Variants in FGF9 observed in about 807,000 individuals in gnomAD.
FGF9 encodes fibroblast growth factor 9 (glia-activating factor).
In FGF9, 3 loss-of-function variants were observed where a neutral mutation model predicts 19.9. That is an observed-to-expected ratio of 0.15 (90% CI 0.07 to 0.39). The LOEUF (loss-of-function observed/expected upper bound fraction) is 0.39, where lower values mean the gene tolerates loss of function less well. Ranked by LOEUF, FGF9 falls within the 10% of genes least tolerant of loss-of-function variation. The pLI is 1.00. For synonymous variants in FGF9, 107 were observed against 106.9 expected (o/e 1.00, Z -0.01); for missense variants, 175 against 256.8 (o/e 0.68, Z 2.18).
At chr13:21,681,365 C>G (rs982045944) in intron 2 of FGF9, 3 of 427,108 alleles carry the variant, frequency 7.0e-6, no homozygotes, top group Non-Finnish European at 1.3e-5. Context: ...TATTTATATG[C>G]CAAACCATCT....
At position 21,701,177 on chromosome 13, in the gene FGF9, T is replaced by C. The variant is rs1383220708; in HGVS notation, c.382-13T>C. On this transcript the variant is annotated splice_polypyrimidine_tract_variant and intron_variant, in intron 2 of 2. Transcript: ENST00000382353. ...TATTTTTCCTAATGCTCTCCCTCTT[T>C]TTCTTTTTACAGGAAAAACTAACCC... 2 of 1,612,068 alleles carry C rather than the reference T, an allele frequency of 1.2e-6. No homozygotes were observed. Among genetic ancestry groups the C allele is most frequent in the Admixed American group, 1.7e-5 (1 of 59,940 alleles).
rs1872597042 is a variant in FGF9, at chr13:21,703,807, T to G, written c.*2372T>G. 6.6e-6 allele frequency: 1 copy of G among 151,964 alleles called. No individual in the cohort carries two copies. Among genetic ancestry groups the G allele is most frequent in the East Asian group, 1.9e-4 (1 of 5,196 alleles). The allele number at this position is 151,964 out of a possible 1,614,324, so 9.4% of individuals were successfully genotyped here. A position where few individuals can be genotyped will look rare whatever the true frequency, so the allele number is the denominator to read the frequency against. ...AATCGACCTAAAAGAAAGAAAATTGTGAAAAAGACAAAAATCTTCATGCAT... is the reference window on the plus strand; with the variant it reads ...AATCGACCTAAAAGAAAGAAAATTGGGAAAAAGACAAAAATCTTCATGCAT... On this transcript the variant is annotated 3_prime_UTR_variant, in exon 3 of 3. Coordinates refer to ENST00000382353, the MANE Select transcript of FGF9 (RefSeq NM_002010.3).
rs987699434 is a variant in FGF9 at position 21,691,695 on chromosome 13, T to C, written c.382-9495T>C. ...GGGAACCACTGTCCTGGGCCAGCTT[T>C]GGCAGTGGCCTGGTCGCCTCACCCC... On this transcript the variant is annotated intron_variant, in intron 2 of 2. Transcript: ENST00000382353. The surrounding 1 kb of genome is among the most constrained non-coding windows in gnomAD (Gnocchi z 4.2). Among the ~76,000 whole-genome samples the C allele has an allele frequency of 1.3e-4, 20 of 152,240 alleles. No individual in the cohort carries two copies. Among genetic ancestry groups the C allele is most frequent in the African/African-American group, 4.1e-4 (17 of 41,464 alleles).
chr13:21,701,702 T>A lies in FGF9; in HGVS notation c.*267T>A, dbSNP rs1872547844. On this transcript the variant is annotated 3_prime_UTR_variant, in exon 3 of 3. Transcript: ENST00000382353. ...AGAGAGAGAGACTGAGCGCTAGGAG[T>A]GTGTGTATGTGTGTGTGTGTGTGTG... 1 of 447,096 alleles carries A rather than the reference T, an allele frequency of 2.2e-6. No homozygotes were observed. The allele number at this position is 447,096 out of a possible 1,614,324, so 27.7% of individuals were successfully genotyped here.
At chr13:21,694,523 A>G (rs1268212945) in intron 2 of FGF9, among the ~76,000 whole-genome samples, 1 of 152,190 alleles carries the variant, frequency 6.6e-6, no homozygotes, top group Non-Finnish European at 1.5e-5. Context: ...TTGTCTGCCA[A>G]TCTGATCCTT....
In FGF9 at chr13:21,702,993, C is replaced by CTT. The variant is rs1421260960; in HGVS notation, c.*1558_*1559insTT. Reference sequence around the variant, plus strand: ...TTTTATGCTGAAAAGCATAAGAATACGTATTTCTTTAGTAGCAATAATTTT... The same window carrying CTT: ...TTTTATGCTGAAAAGCATAAGAATACTTGTATTTCTTTAGTAGCAATAATTTT... On this transcript the variant is annotated 3_prime_UTR_variant, in exon 3 of 3. Transcript: ENST00000382353. 1 of 152,142 alleles carries CTT rather than the reference C, an allele frequency of 6.6e-6. No individual in the cohort carries two copies. The highest frequency in any genetic ancestry group is 1.5e-5 in the Non-Finnish European group (1 of 68,018). 9.4% of individuals were successfully genotyped at this position (152,142 alleles called of 1,614,324 possible).
rs776603416 is a variant in FGF9 at position 21,672,752 on chromosome 13, T to A, written c.277+563T>A. Among the ~76,000 whole-genome samples, 13 of 152,236 alleles carry A rather than the reference T, an allele frequency of 8.5e-5. No individual in the cohort carries two copies. The highest frequency in any genetic ancestry group is 1.6e-4 in the Non-Finnish European group (11 of 68,046). Reference sequence around the variant, plus strand: ...TGTCCTGTTGGGAGGACTAAAGTCATATTTTAGGCTCCGTGAAAAGCAGGG... The same window carrying A: ...TGTCCTGTTGGGAGGACTAAAGTCAAATTTTAGGCTCCGTGAAAAGCAGGG... On this transcript the variant is annotated intron_variant, in intron 1 of 2. Coordinates refer to ENST00000382353, the MANE Select transcript of FGF9 (RefSeq NM_002010.3). The surrounding 1 kb of genome is among the most constrained non-coding windows in gnomAD (Gnocchi z 4.2).
intron 2 of FGF9, among the ~76,000 whole-genome samples, chr13:21,699,901 C>T (rs982600616): frequency 6.6e-6 from 1 of 152,112 alleles, no homozygotes; most frequent in African/African-American, 2.4e-5. Context: ...TTAAAAGTTT[C>T]AGTTGAACAG....
At chr13:21,678,925 A>G (rs1486208004) in intron 1 of FGF9, among the ~76,000 whole-genome samples, 1 of 152,252 alleles carries the variant, frequency 6.6e-6, no homozygotes, top group Non-Finnish European at 1.5e-5. Context: ...AGATATTCAC[A>G]TACATGTGAC....
intron 2 of FGF9, among the ~76,000 whole-genome samples, chr13:21,687,721 C>T (rs1872194512): frequency 6.6e-6 from 1 of 152,202 alleles, no homozygotes; most frequent in Non-Finnish European, 1.5e-5. Context: ...CTCAGACACA[C>T]CACCGATGTA....
In FGF9 at chr13:21,701,291, A is replaced by C. The variant is rs1872536375; in HGVS notation, c.483A>C (p.Arg161=). 6.2e-7 allele frequency: 1 copy of C among 1,614,034 alleles called. No individual in the cohort carries two copies. Among genetic ancestry groups the C allele is most frequent in the African/African-American group, 1.3e-5 (1 of 74,918 alleles). ...ATAAGCACGTGGACACTGGAAGGCG[A>C]TACTATGTTGCATTAAATAAAGATG... ...NLYKHVDTGR[R]YYVALNKDGT... The change falls in exon 3 of 3, where the codon CGA becomes CGC. Residue 161 remains arginine, a synonymous_variant. Transcript: ENST00000382353.
intron 1 of FGF9, among the ~76,000 whole-genome samples, chr13:21,675,740 C>A (rs369441068): frequency 9.2e-5 from 14 of 152,154 alleles, no homozygotes; most frequent in African/African-American, 3.4e-4. Context: ...TGAAATCAAA[C>A]AGCAGAAGGA....
rs780183885 is a variant in FGF9, at chr13:21,671,657, G to A, written c.-256G>A. The stretch of plus-strand genomic sequence containing the variant: ...TCTATCTATAGAGATACATAGATAT[G>A]TTTATCAATATGTCAGTGTGTGAGT... On this transcript the variant is annotated 5_prime_UTR_variant, in exon 1 of 3. The change abolishes an upstream ATG in the 5' untranslated region. Coordinates refer to ENST00000382353, the MANE Select transcript of FGF9 (RefSeq NM_002010.3). 110 of 604,728 alleles carry A rather than the reference G, an allele frequency of 1.8e-4. No individual in the cohort carries two copies. The highest frequency in any genetic ancestry group is 1.5e-5 in the Non-Finnish European group (5 of 341,136). 37.5% of individuals were successfully genotyped at this position (604,728 alleles called of 1,614,324 possible). A position where few individuals can be genotyped will look rare whatever the true frequency, so the allele number is the denominator to read the frequency against.
chr13:21,699,955 C>G (rs2138149015), intron 2 of FGF9, among the ~76,000 whole-genome samples: 1 of 152,184 alleles, frequency 6.6e-6, no homozygotes, highest in East Asian at 1.9e-4. Context: ...CCTTATTTCT[C>G]TAGGGGCCAG....
At chr13:21,695,687 A>G (rs1872391344) in intron 2 of FGF9, among the ~76,000 whole-genome samples, 1 of 152,238 alleles carries the variant, frequency 6.6e-6, no homozygotes, top group Non-Finnish European at 1.5e-5. Context: ...ATTAATGAGG[A>G]AGAGTACATC....
intron 2 of FGF9, among the ~76,000 whole-genome samples, chr13:21,698,438 T>C (rs185100087): frequency 6.6e-6 from 1 of 152,236 alleles, no homozygotes; most frequent in Non-Finnish European, 1.5e-5. Flanking sequence ...ATTGGATCTC[T>C]GTCACAACCC....
At chr13:21,694,833 A>G (rs1480939941) in intron 2 of FGF9, among the ~76,000 whole-genome samples, 1 of 152,214 alleles carries the variant, frequency 6.6e-6, no homozygotes, top group Non-Finnish European at 1.5e-5. Flanking sequence ...TGAAAACTTG[A>G]ATTCTATTAT....
chr13:21,672,450 A>C lies in FGF9; in HGVS notation c.277+261A>C, dbSNP rs1871792133. Among the ~76,000 whole-genome samples the C allele has an allele frequency of 6.6e-6, 1 of 152,174 alleles. No homozygotes were observed. The highest frequency in any genetic ancestry group is 6.5e-5 in the Admixed American group (1 of 15,286). On this transcript the variant is annotated intron_variant, in intron 1 of 2. Transcript: ENST00000382353. This position sits in a 1 kb window ranked among gnomAD's most constrained non-coding sequence, Gnocchi z 4.2. ...AATTTAAAGGGGGGCATAATTTATA[A>C]ATATAATACAAGTTTCCAGTTCTTT...
Position 21,701,479 on chromosome 13 carries a change from A to T in FGF9, c.*44A>T. 6.2e-7 allele frequency: 1 copy of T among 1,613,666 alleles called. No individual in the cohort carries two copies. On this transcript the variant is annotated 3_prime_UTR_variant, in exon 3 of 3. Coordinates refer to ENST00000382353, the MANE Select transcript of FGF9 (RefSeq NM_002010.3). ...TTGAGCCCTTAAAAAAGTAACCACT[A>T]TAAAGGTTTCACGCGGTGGGTTCTT... is the stretch of plus-strand genomic sequence containing the variant.
Sources: gnomAD v4.1 joint callset for allele counts (sites outside exome capture counted in the v4.1 genomes callset) on GRCh38, gnomAD v4.1.1 for gene constraint, Gnocchi (gnomAD v3.1) non-coding constraint, MANE v1.5 for transcripts, NCBI Gene and HGNC (gene_info 2026-07-23, HGNC 2026-07-21) for gene names.